Variants in STXBP5L observed in about 807,000 individuals in gnomAD.
STXBP5L encodes the protein syntaxin binding protein 5L.
In STXBP5L, 65 loss-of-function variants were observed where a neutral mutation model predicts 144.5. The observed-to-expected ratio is 0.45, with a 90% CI of 0.37 to 0.55. The LOEUF is 0.55. Among genes scored for constraint, STXBP5L ranks in the 20% least tolerant of loss-of-function variants. The pLI is 0.00. For synonymous variants in STXBP5L, 505 were observed against 469.6 expected, an observed-to-expected ratio of 1.08 and a Z score of -0.97; for missense variants, 1,298 against 1,405.5, an observed-to-expected ratio of 0.92 and a Z score of 1.22.
chr3:121,343,629 G>A (rs1443145225), intron 20 of STXBP5L, among the ~76,000 whole-genome samples: 4 of 152,054 alleles, frequency 2.6e-5, no homozygotes, highest in African/African-American at 9.7e-5. Context: ...GCCAAATCAT[G>A]AGTGAACACC....
rs185488512 is a variant in STXBP5L at position 121,029,975 on chromosome 3, G to A, written c.288-11725G>A. ...GAGAAATGCAAATCAAAACTACAAT[G>A]AGATACCATCTCATGCCAGTTACAA... On this transcript the variant is annotated intron_variant, in intron 3 of 26. Transcript: ENST00000471454. 4.5e-4 allele frequency among the ~76,000 whole-genome samples: 69 copies of A among 152,246 alleles called. 1 individual carries two copies. Among genetic ancestry groups the A allele is most frequent in the African/African-American group, 1.6e-3 (67 of 41,560 alleles).
intron 22 of STXBP5L, among the ~76,000 whole-genome samples, chr3:121,388,858 T>G (rs186849249): frequency 9.8e-5 from 15 of 152,328 alleles, no homozygotes; most frequent in African/African-American, 3.6e-4. Context: ...TTCTCTTTTT[T>G]GTTGTGTCTC....
In STXBP5L at chr3:121,366,244, T is replaced by A. The variant is rs369684669; in HGVS notation, c.2177-12472T>A. On this transcript the variant is annotated intron_variant, in intron 20 of 26. Transcript: ENST00000471454. ...AAGAATGCGTATACTTTTGTTGATG[T>A]ATAGAGTGTTATATATCACTGTTAG... Among the ~76,000 whole-genome samples the A allele has an allele frequency of 5.3e-4, 80 of 152,090 alleles. 1 individual carries two copies. The South Asian group carries it at 0.016, about 30-fold the overall frequency.
rs542034033 is a variant in STXBP5L, at chr3:121,085,501, C to CA, written c.471-29419dup. 4.6e-3 allele frequency among the ~76,000 whole-genome samples: 697 copies of CA among 152,144 alleles called. 6 individuals carry two copies. Among genetic ancestry groups the CA allele is most frequent in the African/African-American group, 0.016 (660 of 41,508 alleles). ...AGGAGAAGGTTACAAAATAAATGTGCAAAAATCACAGGGATTCATATACAC... is the reference window on the plus strand; with the variant it reads ...AGGAGAAGGTTACAAAATAAATGTGCAAAAAATCACAGGGATTCATATACAC... On this transcript the variant is annotated intron_variant, in intron 5 of 26. Transcript: ENST00000471454.
intron 7 of STXBP5L, among the ~76,000 whole-genome samples, chr3:121,135,709 T>G (rs756816658): frequency 1.3e-5 from 2 of 152,156 alleles, no homozygotes; most frequent in Non-Finnish European, 1.5e-5. Context: ...ACTCTTCACT[T>G]GCTTACCTGC....
At chr3:120,922,436 C>A (rs1321740059) in intron 2 of STXBP5L, among the ~76,000 whole-genome samples, 4 of 151,952 alleles carry the variant, frequency 2.6e-5, no homozygotes, top group African/African-American at 9.7e-5. Context: ...TCCCTTCTTC[C>A]AATTGGATAC....
chr3:121,093,448 G>C (rs1034968962), intron 5 of STXBP5L, among the ~76,000 whole-genome samples: 1 of 152,182 alleles, frequency 6.6e-6, no homozygotes, highest in Non-Finnish European at 1.5e-5. Context: ...CACAATTTCA[G>C]CTCCTGTTAT....
rs193093876 is a variant in STXBP5L, at chr3:121,352,047, C to T, written c.2177-26669C>T. ...TATTCTGTTCCATTGGTCTATATCT[C>T]TGTTTTGGTACCAGTACCATGCTGT... On this transcript the variant is annotated intron_variant, in intron 20 of 26. Coordinates refer to ENST00000471454, the MANE Select transcript of STXBP5L (RefSeq NM_001308330.2). Among the ~76,000 whole-genome samples, 653 of 152,206 alleles carry T rather than the reference C, an allele frequency of 4.3e-3. 8 individuals carry two copies. Among genetic ancestry groups the T allele is most frequent in the African/African-American group, 0.015 (629 of 41,486 alleles).
chr3:121,116,767 CCCT>C (rs2044248588), intron 6 of STXBP5L, among the ~76,000 whole-genome samples: 1 of 151,850 alleles, frequency 6.6e-6, no homozygotes, highest in Admixed American at 6.6e-5. Context: ...GGTCCTTTTC[CCCT>C]GTAATCCTAG....
intron 22 of STXBP5L, among the ~76,000 whole-genome samples, chr3:121,389,478 G>A (rs572840654): frequency 1.3e-5 from 2 of 152,100 alleles, no homozygotes; most frequent in Admixed American, 6.6e-5. Flanking sequence ...TGTGATGTTA[G>A]GGTGTCGATT....
At chr3:121,021,982 G>A (rs928533970) in intron 3 of STXBP5L, among the ~76,000 whole-genome samples, 4 of 151,880 alleles carry the variant, frequency 2.6e-5, no homozygotes, top group African/African-American at 9.7e-5. Flanking sequence ...AACAAAAACT[G>A]GTACTTTGAA....
At chr3:121,051,904 A>T (rs762082657) in intron 5 of STXBP5L, among the ~76,000 whole-genome samples, 121 of 152,190 alleles carry the variant, frequency 8.0e-4, no homozygotes, top group Non-Finnish European at 1.7e-3. Flanking sequence ...GATAAAGGGG[A>T]TATCACCACC....
Position 121,381,442 on chromosome 3 carries a change from A to T in STXBP5L, c.2497A>T (p.Thr833Ser), listed in dbSNP as rs1409670098. Residue 833 changes from threonine to serine, a missense_variant, in exon 22 of 27, where the codon ACC becomes TCC. Coordinates refer to ENST00000471454, the MANE Select transcript of STXBP5L (RefSeq NM_001308330.2). Reference sequence around the variant, plus strand: ...CATCTCTCCTTGTCTGTTCGTTGGAACCAGTCTGGGAATGGTGTTAATCAT... The same window carrying T: ...CATCTCTCCTTGTCTGTTCGTTGGATCCAGTCTGGGAATGGTGTTAATCAT... Reference protein sequence around the residue: ...STISPCLFVGTSLGMVLIISL... With the variant: ...STISPCLFVGSSLGMVLIISL... 6.2e-7 allele frequency: 1 copy of T among 1,604,012 alleles called. No homozygotes were observed. The highest frequency in any genetic ancestry group is 8.5e-7 in the Non-Finnish European group (1 of 1,177,396).
intron 5 of STXBP5L, among the ~76,000 whole-genome samples, chr3:121,058,824 T>A (rs543545475): frequency 1.6e-5 from 2 of 124,154 alleles, no homozygotes; most frequent in Non-Finnish European, 3.2e-5. Context: ...GATGGGGTTG[T>A]TTTTTTCTTG....
At chr3:121,121,338 TA>T (rs1196676472) in intron 6 of STXBP5L, among the ~76,000 whole-genome samples, 3 of 151,204 alleles carry the variant, frequency 2.0e-5, no homozygotes, top group Admixed American at 6.6e-5. Context: ...AAAATTCAAT[TA>T]AAAAAATTCA....
intron 6 of STXBP5L, among the ~76,000 whole-genome samples, chr3:121,120,341 A>G (rs1212214779): frequency 2.0e-5 from 3 of 151,284 alleles, no homozygotes; most frequent in Non-Finnish European, 4.5e-5. Flanking sequence ...TTACATATAA[A>G]TGTGGAAAAA....
chr3:121,125,245 G>A (rs1157813561), intron 7 of STXBP5L, among the ~76,000 whole-genome samples: 7 of 152,066 alleles, frequency 4.6e-5, no homozygotes, highest in African/African-American at 1.7e-4. Context: ...GAGGTGGGTG[G>A]ATCACCTGAG....
At chr3:121,089,200 T>C (rs892818850) in intron 5 of STXBP5L, among the ~76,000 whole-genome samples, 3 of 151,300 alleles carry the variant, frequency 2.0e-5, no homozygotes, top group African/African-American at 7.3e-5. Flanking sequence ...TTACTGTCTC[T>C]TTTTTCCCAT....
chr3:121,008,198 C>G (rs1944494548), intron 3 of STXBP5L, among the ~76,000 whole-genome samples: 1 of 151,902 alleles, frequency 6.6e-6, no homozygotes, highest in Non-Finnish European at 1.5e-5. Flanking sequence ...CAATAATAAG[C>G]TTCTCCTGGA....
Sources: gnomAD v4.1 joint callset for allele counts (sites outside exome capture counted in the v4.1 genomes callset) on GRCh38, gnomAD v4.1.1 for gene constraint, MANE v1.5 for transcripts, NCBI Gene and HGNC (gene_info 2026-07-23, HGNC 2026-07-21) for gene names.